DYNC2LI1: variants seen among roughly 807,000 people sequenced by gnomAD.
The protein encoded by DYNC2LI1 is dynein cytoplasmic 2 light intermediate chain 1.
In DYNC2LI1, 45 loss-of-function variants were observed where a neutral mutation model predicts 51.9. The ratio of observed to expected loss-of-function variants is 0.87; its 90% CI spans 0.68 to 1.11. The LOEUF (loss-of-function observed/expected upper bound fraction) is 1.11. Among genes scored for constraint, DYNC2LI1 ranks in the 50% most tolerant of loss-of-function variants. DYNC2LI1 has a pLI of 0.00. For synonymous variants in DYNC2LI1, 130 were observed against 137.8 expected, an observed-to-expected ratio of 0.94 and a Z score of 0.40; for missense variants, 490 against 417.4, an observed-to-expected ratio of 1.17 and a Z score of -1.51.
intron 12 of DYNC2LI1, among the ~76,000 whole-genome samples, chr2:43,808,911 C>T (rs143556963): frequency 2.0e-5 from 3 of 151,880 alleles, no homozygotes; most frequent in African/African-American, 7.2e-5. Context: ...TTGTGCATTG[C>T]TCTATTGTTA....
the DYNC2LI1 span, chr2:43,823,981 C>G: frequency 6.2e-7 from 1 of 1,614,064 alleles, no homozygotes; most frequent in Non-Finnish European, 8.5e-7. Flanking sequence ...GAGACCTACG[C>G]GGTCCTGGAT....
the DYNC2LI1 span, chr2:43,827,977 A>C: frequency 1.9e-6 from 3 of 1,613,956 alleles, no homozygotes; most frequent in Admixed American, 5.0e-5. Flanking sequence ...TCTGGGTGCC[A>C]CTTACTAGGA....
chr2:43,814,358 A>G (rs1183044819), downstream of DYNC2LI1: 3 of 719,164 alleles, frequency 4.2e-6, no homozygotes, highest in African/African-American at 3.6e-5. Flanking sequence ...GTATTTCAAA[A>G]CAGAGTTTTA....
chr2:43,814,719 C>T (rs1666706218), downstream of DYNC2LI1: 1 of 603,442 alleles, frequency 1.7e-6, no homozygotes, highest in Admixed American at 3.2e-5. Flanking sequence ...AAAAATGATG[C>T]TCACTATAAA....
chr2:43,828,098 T>C, the DYNC2LI1 span: 1 of 1,613,962 alleles, frequency 6.2e-7, no homozygotes, highest in Non-Finnish European at 8.5e-7. Flanking sequence ...GACTCAGCTC[T>C]GCCATGACGG....
chr2:43,827,020 T>G, the DYNC2LI1 span, among the ~76,000 whole-genome samples: 2 of 152,214 alleles, frequency 1.3e-5, no homozygotes, highest in Non-Finnish European at 2.9e-5. Flanking sequence ...AGTAACTTAT[T>G]TCTTCCTAAA....
At position 43,790,866 on chromosome 2, in the gene DYNC2LI1, T is replaced by C. The variant is rs183413282; in HGVS notation, c.320+1145T>C. On this transcript the variant is annotated intron_variant, in intron 5 of 12. Transcript: ENST00000260605. The stretch of plus-strand genomic sequence containing the variant: ...TAGTTTTTCATTTGTCTTTCTTTAA[T>C]GGTGACAAATAAGTGAAGCTGCCTG... Among the ~76,000 whole-genome samples, 289 of 152,222 alleles carry C rather than the reference T, an allele frequency of 1.9e-3. 3 individuals are homozygous for C. In the South Asian group the frequency reaches 0.024, roughly 13 times the overall value.
At chr2:43,826,294 C>G in the DYNC2LI1 span, 1 of 1,595,550 alleles carries the variant, frequency 6.3e-7, no homozygotes, top group African/African-American at 1.3e-5. Context: ...GCCACTGTGC[C>G]TGGCCACTGG....
the DYNC2LI1 span, chr2:43,824,408 T>C: frequency 6.2e-7 from 1 of 1,614,142 alleles, no homozygotes; most frequent in Non-Finnish European, 8.5e-7. Flanking sequence ...TTCCTTGCTT[T>C]GGGTATCCAC....
At chr2:43,822,897 C>T in the DYNC2LI1 span, 1 of 1,614,116 alleles carries the variant, frequency 6.2e-7, no homozygotes, top group Non-Finnish European at 8.5e-7. Flanking sequence ...TAGAGGCCGT[C>T]CTGACTCTCC....
At chr2:43,782,741 AGAGGCT>A (rs1474935446) in intron 2 of DYNC2LI1, among the ~76,000 whole-genome samples, 5 of 152,002 alleles carry the variant, frequency 3.3e-5, no homozygotes, top group Admixed American at 2.6e-4. Context: ...CAGCACTTTG[AGAGGCT>A]GAGGTGGGCA....
At chr2:43,826,672 G>C in the DYNC2LI1 span, 12 of 1,238,274 alleles carry the variant, frequency 9.7e-6, no homozygotes, top group Middle Eastern at 2.5e-4. Flanking sequence ...CTTTCAGCCT[G>C]AGCTCAGGAG....
intron 2 of DYNC2LI1, among the ~76,000 whole-genome samples, chr2:43,783,208 T>C (rs570311142): frequency 4.9e-4 from 74 of 152,314 alleles, no homozygotes; most frequent in African/African-American, 1.8e-3. Flanking sequence ...TTAACATTGA[T>C]GAGTAGAGAA....
chr2:43,790,076 C>T (rs778863331), intron 5 of DYNC2LI1, among the ~76,000 whole-genome samples: 23 of 152,264 alleles, frequency 1.5e-4, no homozygotes, highest in Non-Finnish European at 2.6e-4. Context: ...TGAGTTAATT[C>T]GGCTCTGAGT....
intron 10 of DYNC2LI1, 131 bp from the exon 11 acceptor site, chr2:43,804,511 G>C: frequency 1.7e-6 from 1 of 597,496 alleles, no homozygotes; most frequent in Non-Finnish European, 2.9e-6. Flanking sequence ...AAATTTTTAT[G>C]GTGACTATAT....
chr2:43,824,943 A>G, the DYNC2LI1 span: 3 of 1,614,128 alleles, frequency 1.9e-6, no homozygotes, highest in Non-Finnish European at 1.7e-6. Flanking sequence ...CAGTCATTGA[A>G]GAAATCAAGC....
At chr2:43,814,502 C>T (rs1572739594), downstream of DYNC2LI1, 1 of 1,607,436 alleles carries the variant, frequency 6.2e-7, no homozygotes, top group African/African-American at 1.3e-5. Flanking sequence ...GTCCGTAGAA[C>T]TCATTGACTA....
intron 5 of DYNC2LI1, among the ~76,000 whole-genome samples, chr2:43,791,348 T>C (rs1673774722): frequency 6.6e-6 from 1 of 152,106 alleles, no homozygotes; most frequent in South Asian, 2.1e-4. Context: ...TCAACTGACT[T>C]GTTTTATTAC....
intron 8 of DYNC2LI1, among the ~76,000 whole-genome samples, chr2:43,799,525 G>A (rs1210499083): frequency 2.0e-5 from 3 of 152,126 alleles, no homozygotes; most frequent in South Asian, 4.1e-4. Context: ...TCCAGAAAAA[G>A]GAATCAATAG....
Sources: allele counts gnomAD v4.1 joint callset (sites outside exome capture counted in the v4.1 genomes callset), GRCh38; gene constraint gnomAD v4.1.1; transcripts MANE v1.5; gene names NCBI Gene and HGNC (gene_info 2026-07-23, HGNC 2026-07-21).